GRIA1: variants seen among roughly 807,000 people sequenced by gnomAD.
GRIA1 encodes the protein glutamate ionotropic receptor AMPA type subunit 1, also known as glutamate receptor 1.
A neutral mutation model predicts 99.2 loss-of-function variants in GRIA1; 31 were observed. The observed-to-expected ratio is 0.31, with a 90% CI of 0.23 to 0.42. The LOEUF (loss-of-function observed/expected upper bound fraction) is 0.42. GRIA1 is among the 10% of genes least tolerant of loss of function. The pLI, the probability that GRIA1 is intolerant of heterozygous loss-of-function variation, is 1.00. For synonymous variants in GRIA1, 438 were observed against 432.4 expected (o/e 1.01, Z -0.16); for missense variants, 782 against 1,157.5 (o/e 0.68, Z 4.71).
chr5:153,714,765 C>A (rs745907160), intron 11 of GRIA1, among the ~76,000 whole-genome samples: 3 of 152,266 alleles, frequency 2.0e-5, no homozygotes, highest in Non-Finnish European at 4.4e-5. Context: ...CACCATCCAA[C>A]CGTGGTGAAT....
At chr5:153,582,833 CT>C (rs981854515) in intron 2 of GRIA1, among the ~76,000 whole-genome samples, 2 of 152,110 alleles carry the variant, frequency 1.3e-5, no homozygotes, top group African/African-American at 4.8e-5. Flanking sequence ...AGATCTTACT[CT>C]GTCACCCAGG....
At chr5:153,502,516 A>G (rs951373247) in intron 2 of GRIA1, among the ~76,000 whole-genome samples, 1 of 152,160 alleles carries the variant, frequency 6.6e-6, no homozygotes, top group Non-Finnish European at 1.5e-5. Flanking sequence ...CCGCTGGACT[A>G]TTGTCATGAG....
At chr5:153,535,160 G>A (rs950780823) in intron 2 of GRIA1, among the ~76,000 whole-genome samples, 4 of 152,198 alleles carry the variant, frequency 2.6e-5, no homozygotes, top group East Asian at 3.9e-4. Context: ...GACCTCAAGC[G>A]ATCTGCCCGT....
At chr5:153,622,804 A>C (rs1225783500) in intron 2 of GRIA1, among the ~76,000 whole-genome samples, 2 of 152,186 alleles carry the variant, frequency 1.3e-5, no homozygotes, top group East Asian at 3.9e-4. Context: ...GAACAAGAAA[A>C]AAATCTCTTT....
chr5:153,683,118 G>A (rs1757102187), intron 7 of GRIA1, among the ~76,000 whole-genome samples: 1 of 152,210 alleles, frequency 6.6e-6, no homozygotes, highest in South Asian at 2.1e-4. Context: ...AGAGGGATAA[G>A]TGCCCAGATC....
At chr5:153,780,795 A>G (rs1479881518) in intron 13 of GRIA1, among the ~76,000 whole-genome samples, 2 of 152,066 alleles carry the variant, frequency 1.3e-5, no homozygotes, top group Admixed American at 1.3e-4. Context: ...CACACTCACC[A>G]TCTCTTCTGT....
At chr5:153,777,177 C>T (rs12653672) in intron 13 of GRIA1, among the ~76,000 whole-genome samples, 12,811 of 152,112 alleles carry the variant, frequency 0.084, 1,142 homozygotes, top group East Asian at 0.53. Context: ...TGAACAAGTC[C>T]CCCAGGTGCC....
intron 11 of GRIA1, among the ~76,000 whole-genome samples, chr5:153,740,234 C>T (rs751680895): frequency 2.6e-5 from 4 of 152,234 alleles, no homozygotes; most frequent in African/African-American, 9.6e-5. Context: ...TACCCTCCAG[C>T]TGCTTACAAT....
At chr5:153,492,120 C>T in intron 1 of GRIA1, 1 of 1,412,650 alleles carries the variant, frequency 7.1e-7, no homozygotes, top group Non-Finnish European at 9.3e-7. Context: ...GGAAAGTTCG[C>T]ATTGCTGGGA....
intron 11 of GRIA1, among the ~76,000 whole-genome samples, chr5:153,729,485 C>T (rs1340175752): frequency 6.6e-6 from 1 of 151,986 alleles, no homozygotes; most frequent in Non-Finnish European, 1.5e-5. Flanking sequence ...TAAGGTATTA[C>T]ACAGTAAAGA....
chr5:153,607,795 T>C (rs2149405460), intron 2 of GRIA1, among the ~76,000 whole-genome samples: 1 of 152,232 alleles, frequency 6.6e-6, no homozygotes, highest in East Asian at 1.9e-4. Context: ...AATATGGTAT[T>C]ATTGTTGTTG....
chr5:153,778,679 A>ACT (rs1433524366), intron 13 of GRIA1, among the ~76,000 whole-genome samples: 1 of 151,734 alleles, frequency 6.6e-6, no homozygotes, highest in African/African-American at 2.4e-5. Context: ...ACACACACAC[A>ACT]CACACACATA....
intron 2 of GRIA1, among the ~76,000 whole-genome samples, chr5:153,533,314 C>T (rs893719974): frequency 2.0e-5 from 3 of 151,862 alleles, no homozygotes; most frequent in Admixed American, 1.3e-4. Flanking sequence ...AGAAACGTCA[C>T]TGTTGGCCAG....
intron 8 of GRIA1, among the ~76,000 whole-genome samples, chr5:153,691,843 G>T (rs961631146): frequency 1.3e-5 from 2 of 152,064 alleles, no homozygotes; most frequent in African/African-American, 4.8e-5. Flanking sequence ...CCCTCTACAA[G>T]GCTACTTTTC....
chr5:153,715,947 C>T (rs945352896), intron 11 of GRIA1, among the ~76,000 whole-genome samples: 69 of 152,288 alleles, frequency 4.5e-4, no homozygotes, highest in African/African-American at 1.5e-3. Context: ...CACAGGGCAA[C>T]TCAGTCCTGG....
intron 11 of GRIA1, among the ~76,000 whole-genome samples, chr5:153,728,944 T>C (rs1760787063): frequency 1.5e-5 from 2 of 130,262 alleles, no homozygotes. Context: ...CGTATGTTTA[T>C]TGCAGCACTA....
At chr5:153,709,288 G>C (rs1387484109) in intron 11 of GRIA1, among the ~76,000 whole-genome samples, 1 of 152,164 alleles carries the variant, frequency 6.6e-6, no homozygotes, top group East Asian at 1.9e-4. Context: ...TTCCAAATGA[G>C]CTTCAATTAA....
chr5:153,514,025 G>A (rs1756364788), intron 2 of GRIA1, among the ~76,000 whole-genome samples: 1 of 152,140 alleles, frequency 6.6e-6, no homozygotes, highest in Admixed American at 6.5e-5. Context: ...ACACCTCTAA[G>A]CCTTGGCTAT....
At chr5:153,781,494 G>A (rs1223938325) in intron 13 of GRIA1, among the ~76,000 whole-genome samples, 1 of 152,032 alleles carries the variant, frequency 6.6e-6, no homozygotes, top group Non-Finnish European at 1.5e-5. Context: ...CGAAGCAAAG[G>A]CCAACTCTCC....
Sources: allele counts gnomAD v4.1 joint callset (sites outside exome capture counted in the v4.1 genomes callset), GRCh38; gene constraint gnomAD v4.1.1; transcripts MANE v1.5; gene names NCBI Gene and HGNC (gene_info 2026-07-23, HGNC 2026-07-21).